DAB1: variants seen among roughly 807,000 people sequenced by gnomAD.
DAB1 encodes DAB adaptor protein 1.
DAB1 carries 15 observed loss-of-function variants against 64.6 expected under a neutral mutation model. The ratio of observed to expected loss-of-function variants is 0.23; its 90% confidence interval spans 0.16 to 0.36. The LOEUF is 0.36. Among genes scored for constraint, DAB1 ranks in the 10% least tolerant of loss-of-function variants. DAB1 has a pLI of 1.00. For missense variants in DAB1, 596 were observed against 706.7 expected (o/e 0.84, Z 1.78); for synonymous variants, 235 against 251.9 (o/e 0.93, Z 0.64).
chr1:57,421,651 C>G (rs1158694120), intron 1 of DAB1, among the ~76,000 whole-genome samples: 1 of 151,958 alleles, frequency 6.6e-6, no homozygotes, highest in Non-Finnish European at 1.5e-5. Flanking sequence ...TTTAAGAGAG[C>G]CTTTGTGTAT....
chr1:57,575,993 A>G (rs1404554907), intron 7 of DAB1, among the ~76,000 whole-genome samples: 2 of 152,184 alleles, frequency 1.3e-5, no homozygotes, highest in African/African-American at 4.8e-5. Flanking sequence ...ATTTGGACAT[A>G]AATTCATTCC....
chr1:58,128,114 T>TCC (rs1213322455), intron 5 of DAB1, among the ~76,000 whole-genome samples: 4 of 152,102 alleles, frequency 2.6e-5, no homozygotes, highest in Non-Finnish European at 5.9e-5. Flanking sequence ...TTCCATTTGT[T>TCC]TGTATCCTCT....
At chr1:58,481,352 T>C (rs1224116282) in intron 3 of DAB1, among the ~76,000 whole-genome samples, 2 of 152,156 alleles carry the variant, frequency 1.3e-5, no homozygotes, top group Non-Finnish European at 2.9e-5. Flanking sequence ...CAGTGAACAG[T>C]TGTTTTCATG....
At chr1:57,783,324 CT>C (rs541401955) in intron 6 of DAB1, among the ~76,000 whole-genome samples, 8 of 151,988 alleles carry the variant, frequency 5.3e-5, no homozygotes, top group Non-Finnish European at 1.2e-4. Context: ...GCCCAGGCAA[CT>C]CCTGAACTCA....
chr1:57,792,345 G>T (rs1650641213), intron 6 of DAB1, among the ~76,000 whole-genome samples: 1 of 152,048 alleles, frequency 6.6e-6, no homozygotes. Context: ...CATATTTATT[G>T]CCAGACAGCA....
rs192055569 is a variant in DAB1 at position 58,066,343 on chromosome 1, G to A, written n.387+84168C>T. On this transcript the variant is annotated intron_variant and non_coding_transcript_variant, in intron 5 of 20. Transcript: ENST00000485760. ...TTATTCAGCATGGCCTGTGGTTTGGGGTTGGGAAGAGAGATTGATTTGTTA... is the reference window on the plus strand; with the variant it reads ...TTATTCAGCATGGCCTGTGGTTTGGAGTTGGGAAGAGAGATTGATTTGTTA... Among the ~76,000 whole-genome samples, 5 of 152,260 alleles carry A rather than the reference G, an allele frequency of 3.3e-5. No individual in the cohort carries two copies. The South Asian group carries it at 8.3e-4, about 25-fold the overall frequency.
At chr1:57,156,365 C>T (rs1365874863) in intron 2 of DAB1, among the ~76,000 whole-genome samples, 1 of 152,144 alleles carries the variant, frequency 6.6e-6, no homozygotes, top group African/African-American at 2.4e-5. Context: ...GCCCTTTGCC[C>T]TTGCTAGTTC....
At chr1:57,144,982 A>C (rs561572939) in intron 3 of DAB1, among the ~76,000 whole-genome samples, 1 of 152,182 alleles carries the variant, frequency 6.6e-6, no homozygotes, top group Admixed American at 6.5e-5. Context: ...GTGGGTGACA[A>C]AACAATTTGA....
chr1:57,426,262 A>G (rs1685281621), upstream of DAB1, among the ~76,000 whole-genome samples: 1 of 152,228 alleles, frequency 6.6e-6, no homozygotes, highest in Non-Finnish European at 1.5e-5. Flanking sequence ...CAAGTAATGG[A>G]AATACAAGAC....
At chr1:57,603,838 T>G (rs1645603768) in intron 7 of DAB1, among the ~76,000 whole-genome samples, 1 of 152,206 alleles carries the variant, frequency 6.6e-6, no homozygotes, top group African/African-American at 2.4e-5. Context: ...TTAGCACTGC[T>G]GTTTAGTAAA....
intron 2 of DAB1, among the ~76,000 whole-genome samples, chr1:57,273,806 T>C (rs980290805): frequency 6.6e-6 from 1 of 151,926 alleles, no homozygotes; most frequent in Non-Finnish European, 1.5e-5. Context: ...CCTTGACTGC[T>C]CCATCTACTG....
intron 6 of DAB1, among the ~76,000 whole-genome samples, chr1:57,754,019 A>G (rs1648676597): frequency 6.6e-6 from 1 of 152,194 alleles, no homozygotes; most frequent in Admixed American, 6.5e-5. Flanking sequence ...GAGTGAACTA[A>G]CTTGCCGTGG....
At chr1:57,784,063 G>A (rs904060315) in intron 6 of DAB1, among the ~76,000 whole-genome samples, 1 of 152,154 alleles carries the variant, frequency 6.6e-6, no homozygotes, top group African/African-American at 2.4e-5. Context: ...TAGTGAGGAA[G>A]GTATGTCAAA....
intron 5 of DAB1, among the ~76,000 whole-genome samples, chr1:58,107,242 C>T (rs935996233): frequency 2.7e-5 from 4 of 145,798 alleles, no homozygotes; most frequent in African/African-American, 1.0e-4. Flanking sequence ...AGGTGGATCA[C>T]AAGTTCAGGA....
intron 1 of DAB1, chr1:58,527,338 A>G: frequency 1.1e-6 from 1 of 871,544 alleles, no homozygotes; most frequent in Non-Finnish European, 2.0e-6. Context: ...AACATATACT[A>G]AGAAGAAATG....
chr1:57,847,973 T>A (rs1473076363), intron 1 of DAB1, among the ~76,000 whole-genome samples: 2 of 152,164 alleles, frequency 1.3e-5, no homozygotes, highest in African/African-American at 4.8e-5. Context: ...GTATTAAAGA[T>A]AAGAAAACTG....
chr1:58,531,404 A>G (rs1646432021), intron 1 of DAB1, among the ~76,000 whole-genome samples: 1 of 152,198 alleles, frequency 6.6e-6, no homozygotes. Flanking sequence ...GTATTTACTT[A>G]TATCAGTTAC....
intron 10 of DAB1, 28 bp downstream of exon 10, chr1:57,025,953 C>T: frequency 6.5e-7 from 1 of 1,531,786 alleles, no homozygotes; most frequent in Non-Finnish European, 8.8e-7. Flanking sequence ...ATTCAGAGAG[C>T]AGGGTTCAGA....
intron 4 of DAB1, among the ~76,000 whole-genome samples, chr1:58,165,529 C>T (rs762412847): frequency 2.6e-5 from 4 of 152,188 alleles, no homozygotes; most frequent in Non-Finnish European, 5.9e-5. Flanking sequence ...CGGCGAGCTT[C>T]CCATATGTAA....
Sources: gnomAD v4.1 joint callset for allele counts (sites outside exome capture counted in the v4.1 genomes callset) on GRCh38, gnomAD v4.1.1 for gene constraint, MANE v1.5 for transcripts, NCBI Gene and HGNC (gene_info 2026-07-23, HGNC 2026-07-21) for gene names.